NKAIN3: variants seen among roughly 807,000 people sequenced by gnomAD.
NKAIN3 encodes sodium/potassium transporting ATPase interacting 3, also known as sodium/potassium-transporting ATPase subunit beta-1-interacting protein 3.
A neutral mutation model predicts 30.2 loss-of-function variants in NKAIN3; 25 were observed. That is an observed-to-expected ratio of 0.83 (90% CI 0.60 to 1.16). NKAIN3 has a LOEUF of 1.16. NKAIN3 is among the 50% of genes most tolerant of loss of function. The probability of loss-of-function intolerance (pLI) is 0.00; values close to 1 mark genes in which losing one functional copy is unlikely to be tolerated. For missense variants in NKAIN3, 225 were observed against 254.1 expected (o/e 0.89, Z 0.78); for synonymous variants, 91 against 89.6 (o/e 1.02, Z -0.09).
chr8:62,326,356 C>T (rs1320789085), intron 1 of NKAIN3, among the ~76,000 whole-genome samples: 7 of 151,808 alleles, frequency 4.6e-5, no homozygotes, highest in Admixed American at 4.6e-4. Context: ...ACATTCGTTA[C>T]ATTTTGCCTT....
chr8:62,293,782 A>G (rs1227212716), intron 1 of NKAIN3, among the ~76,000 whole-genome samples: 2 of 152,320 alleles, frequency 1.3e-5, no homozygotes, highest in East Asian at 3.9e-4. Flanking sequence ...AGGGAAGTTT[A>G]AGTCTGCAGA....
At chr8:62,941,208 A>C (rs1822945560) in intron 5 of NKAIN3, among the ~76,000 whole-genome samples, 1 of 152,104 alleles carries the variant, frequency 6.6e-6, no homozygotes, top group South Asian at 2.1e-4. Context: ...AGGAAGAAAT[A>C]GAAACCCTGA....
chr8:62,445,783 G>A (rs528836154), intron 1 of NKAIN3, among the ~76,000 whole-genome samples: 69 of 152,282 alleles, frequency 4.5e-4, no homozygotes, highest in African/African-American at 1.6e-3. Flanking sequence ...CAAAATAGGA[G>A]CAGCAAAATC....
intron 1 of NKAIN3, among the ~76,000 whole-genome samples, chr8:62,410,961 T>C (rs759495301): frequency 1.3e-5 from 2 of 152,098 alleles, no homozygotes; most frequent in Non-Finnish European, 2.9e-5. Flanking sequence ...CTACCAGACA[T>C]GCAAAGAAGA....
intron 1 of NKAIN3, among the ~76,000 whole-genome samples, chr8:62,381,792 A>G (rs1052891605): frequency 3.3e-5 from 5 of 152,028 alleles, no homozygotes; most frequent in African/African-American, 1.2e-4. Flanking sequence ...ATAACTCTCA[A>G]TAAGTTTTTC....
At chr8:62,858,012 A>T (rs1218616239) in intron 4 of NKAIN3, among the ~76,000 whole-genome samples, 1 of 150,968 alleles carries the variant, frequency 6.6e-6, no homozygotes, top group South Asian at 2.1e-4. Flanking sequence ...CAACCTTTGG[A>T]TGGGGTTCTC....
Position 62,564,994 on chromosome 8 carries a change from T to C in NKAIN3, c.55-14545T>C, listed in dbSNP as rs1000415997. ...TGTACACATACATGATTTATATGCATAGCTACACAAGCATTTCATACACTT... is the reference window on the plus strand; with the variant it reads ...TGTACACATACATGATTTATATGCACAGCTACACAAGCATTTCATACACTT... On this transcript the variant is annotated intron_variant, in intron 1 of 6. Transcript: ENST00000623646. Among the ~76,000 whole-genome samples, 6 of 152,282 alleles carry C rather than the reference T, an allele frequency of 3.9e-5. No individual in the cohort carries two copies. The East Asian group carries it at 5.8e-4, about 15-fold the overall frequency.
At position 62,724,995 on chromosome 8, in the gene NKAIN3, C is replaced by G. The variant is rs116301544; in HGVS notation, c.274-21937C>G. 5.2e-3 allele frequency among the ~76,000 whole-genome samples: 790 copies of G among 152,168 alleles called. 7 individuals carry two copies. Among genetic ancestry groups the G allele is most frequent in the African/African-American group, 0.018 (749 of 41,536 alleles). On this transcript the variant is annotated intron_variant, in intron 3 of 6. Coordinates refer to ENST00000623646, the MANE Select transcript of NKAIN3 (RefSeq NM_001304533.3). Reference sequence around the variant, plus strand: ...GTGGTTGTGATAATTTGCATTTCCACCAACAGGGTACAAGGGTTTCTGTTT... The same window carrying G: ...GTGGTTGTGATAATTTGCATTTCCAGCAACAGGGTACAAGGGTTTCTGTTT...
chr8:62,972,325 C>G lies in NKAIN3; in HGVS notation c.*6918C>G, dbSNP rs939713239. On this transcript the variant is annotated 3_prime_UTR_variant, in exon 7 of 7. Coordinates refer to ENST00000623646, the MANE Select transcript of NKAIN3 (RefSeq NM_001304533.3). ...TATTCAAATTGTCCAAAAAAATATA[C>G]AAGTGAGGGAATTAATAAAATTTTT... Among the ~76,000 whole-genome samples, 1 of 151,870 alleles carries G rather than the reference C, an allele frequency of 6.6e-6. No individual in the cohort carries two copies. The highest frequency in any genetic ancestry group is 1.5e-5 in the Non-Finnish European group (1 of 67,968).
At chr8:62,795,038 A>G (rs1339912733) in intron 4 of NKAIN3, among the ~76,000 whole-genome samples, 1 of 152,172 alleles carries the variant, frequency 6.6e-6, no homozygotes, top group Non-Finnish European at 1.5e-5. Flanking sequence ...AGCTCAGCAT[A>G]TCAAAATCTG....
Position 62,429,429 on chromosome 8 carries a change from A to G in NKAIN3, c.55-150110A>G, listed in dbSNP as rs117283662. Reference sequence around the variant, plus strand: ...TACAGTTCTTATTTCTGTATATTGAACCATCCTTGGATCCCTGAGATGAAT... The same window carrying G: ...TACAGTTCTTATTTCTGTATATTGAGCCATCCTTGGATCCCTGAGATGAAT... On this transcript the variant is annotated intron_variant, in intron 1 of 6. Coordinates refer to ENST00000623646, the MANE Select transcript of NKAIN3 (RefSeq NM_001304533.3). Among the ~76,000 whole-genome samples the G allele has an allele frequency of 8.2e-3, 1,249 of 151,998 alleles. 24 individuals are homozygous for G. The highest frequency in any genetic ancestry group is 0.034 in the Admixed American group (523 of 15,224).
At chr8:62,695,468 A>C (rs1472843997) in intron 3 of NKAIN3, among the ~76,000 whole-genome samples, 1 of 152,214 alleles carries the variant, frequency 6.6e-6, no homozygotes, top group South Asian at 2.1e-4. Context: ...AATAATAATG[A>C]GGCAGAAAAT....
chr8:62,646,149 A>C (rs1812453635), intron 3 of NKAIN3, among the ~76,000 whole-genome samples: 1 of 151,742 alleles, frequency 6.6e-6, no homozygotes. Flanking sequence ...AAAAAAAAAA[A>C]AAAAAACAGA....
At chr8:62,555,011 T>C (rs868195984) in intron 1 of NKAIN3, among the ~76,000 whole-genome samples, 1,700 of 144,952 alleles carry the variant, frequency 0.012, 35 homozygotes, top group African/African-American at 0.039. Context: ...GCAGAATCTA[T>C]ACACACACAC....
chr8:62,311,469 C>T (rs1814427901), intron 1 of NKAIN3, among the ~76,000 whole-genome samples: 1 of 150,470 alleles, frequency 6.6e-6, no homozygotes, highest in African/African-American at 2.5e-5. Flanking sequence ...TGAAAATTAG[C>T]AATAGATCTT....
chr8:62,650,968 T>C (rs1024122320), intron 3 of NKAIN3, among the ~76,000 whole-genome samples: 10 of 152,166 alleles, frequency 6.6e-5, no homozygotes, highest in African/African-American at 2.2e-4. Flanking sequence ...TGCAAGACTT[T>C]TTAACAAGAA....
At chr8:62,665,505 C>A (rs1019588657) in intron 3 of NKAIN3, among the ~76,000 whole-genome samples, 1 of 152,168 alleles carries the variant, frequency 6.6e-6, no homozygotes, top group Non-Finnish European at 1.5e-5. Context: ...AAATTAAGAC[C>A]ACTTTCTCTT....
intron 1 of NKAIN3, among the ~76,000 whole-genome samples, chr8:62,254,944 T>C (rs1387908662): frequency 6.6e-6 from 1 of 152,240 alleles, no homozygotes; most frequent in Non-Finnish European, 1.5e-5. Flanking sequence ...ATTTTGTTTT[T>C]ATGAACAATT....
intron 1 of NKAIN3, among the ~76,000 whole-genome samples, chr8:62,500,779 G>A (rs1488084528): frequency 1.3e-5 from 2 of 152,228 alleles, no homozygotes; most frequent in Non-Finnish European, 2.9e-5. Context: ...AGCCTCAAAG[G>A]CACCAAGAGG....
Sources: allele counts gnomAD v4.1 joint callset (sites outside exome capture counted in the v4.1 genomes callset), GRCh38; gene constraint gnomAD v4.1.1; transcripts MANE v1.5; gene names NCBI Gene and HGNC (gene_info 2026-07-23, HGNC 2026-07-21).